CADM1: variants seen among roughly 807,000 people sequenced by gnomAD.
CADM1 encodes cell adhesion molecule 1, also known as TSLC-1.
Under a neutral mutation model 53.1 loss-of-function variants are expected in CADM1, and 15 were observed. That is an observed-to-expected ratio of 0.28 (90% confidence interval 0.19 to 0.44). CADM1 has a LOEUF of 0.44. CADM1 is among the 20% of genes least tolerant of loss of function. The pLI, the probability that CADM1 is intolerant of heterozygous loss-of-function variation, is 1.00. For missense variants in CADM1, 434 were observed against 611.3 expected (o/e 0.71, Z 3.06); for synonymous variants, 281 against 243.0 (o/e 1.16, Z -1.45).
At chr11:115,334,335 A>G (rs745483811) in intron 1 of CADM1, among the ~76,000 whole-genome samples, 1 of 152,072 alleles carries the variant, frequency 6.6e-6, no homozygotes, top group Non-Finnish European at 1.5e-5. Context: ...TCTGGTATCA[A>G]CCAATGACTA....
At position 115,190,897 on chromosome 11, in the gene CADM1, C is replaced by T; in HGVS notation, c.1156G>A (p.Asp386Asn). Reference protein sequence around the residue: ...PNSAEELDSEDLSDSRAGEEG... With the variant: ...PNSAEELDSENLSDSRAGEEG... ...AATGACTAGCCCTTACCTGAGAGGT[C>T]CTCACTGTCCAGTTCTTCTGCGGAA... Residue 386 changes from aspartate (D) to asparagine (N), a missense_variant, in exon 10 of 12, where the codon GAC becomes AAC. Coordinates refer to ENST00000331581, the MANE Select transcript of CADM1 (RefSeq NM_001301043.2). 15 of 1,595,066 alleles carry T rather than the reference C, an allele frequency of 9.4e-6. No individual in the cohort carries two copies. Among genetic ancestry groups the T allele is most frequent in the Non-Finnish European group, 1.1e-5 (13 of 1,178,452 alleles).
At chr11:115,272,575 T>C (rs1591659990) in intron 1 of CADM1, among the ~76,000 whole-genome samples, 1 of 152,224 alleles carries the variant, frequency 6.6e-6, no homozygotes, top group East Asian at 1.9e-4. Flanking sequence ...GATCTAACAT[T>C]AGCAATTTGA....
intron 1 of CADM1, among the ~76,000 whole-genome samples, chr11:115,481,993 A>T (rs1949267399): frequency 6.6e-6 from 1 of 152,120 alleles, no homozygotes; most frequent in Non-Finnish European, 1.5e-5. Flanking sequence ...GTCCTGTATG[A>T]TTTGACAATT....
chr11:115,303,009 C>A (rs1304635690), intron 1 of CADM1, among the ~76,000 whole-genome samples: 1 of 152,088 alleles, frequency 6.6e-6, no homozygotes, highest in Non-Finnish European at 1.5e-5. Flanking sequence ...AACAAACCAA[C>A]TGAGAAAAGT....
Position 115,174,623 on chromosome 11 carries a change from CAA to C in CADM1, c.*1849_*1850del, listed in dbSNP as rs1221327275. The C allele has an allele frequency of 1.0e-6, 1 of 984,192 alleles. No homozygotes were observed. The highest frequency in any genetic ancestry group is 1.7e-5 in the African/African-American group (1 of 57,250). The allele number at this position is 984,192 out of a possible 1,614,324, so 61.0% of individuals were successfully genotyped here. A position where few individuals can be genotyped will look rare whatever the true frequency, so the allele number is the denominator to read the frequency against. ...GAAAAATAAACATGTTTTCAAATAA[CAA>C]AGAGTTGACACTTTTTCCCCCTTAA... On this transcript the variant is annotated 3_prime_UTR_variant, in exon 12 of 12. Coordinates refer to ENST00000331581, the MANE Select transcript of CADM1 (RefSeq NM_001301043.2).
In CADM1 at chr11:115,214,638, C is replaced by T; in HGVS notation, c.964G>A (p.Ala322Thr). The T allele has an allele frequency of 6.2e-7, 1 of 1,614,042 alleles. No homozygotes were observed. Among genetic ancestry groups the T allele is most frequent in the South Asian group, 1.1e-5 (1 of 91,076 alleles). The change falls in exon 7 of 12, where the codon GCT becomes ACT. Residue 322 changes from alanine (A) to threonine (T), a missense_variant. By Grantham distance (58) the Ala-to-Thr change is moderately conservative. Coordinates refer to ENST00000331581, the MANE Select transcript of CADM1 (RefSeq NM_001301043.2). ...ACATACAGCATATAATCCGAGTGAGCTTTCCCCACTATGTTTGAAGCTTCA... is the reference window on the plus strand; with the variant it reads ...ACATACAGCATATAATCCGAGTGAGTTTTCCCCACTATGTTTGAAGCTTCA... ...RCEASNIVGK[A>T]HSDYMLYVYD... is the part of the protein sequence containing the mutation.
At chr11:115,436,832 A>G (rs937655264) in intron 1 of CADM1, among the ~76,000 whole-genome samples, 1 of 152,216 alleles carries the variant, frequency 6.6e-6, no homozygotes, top group African/African-American at 2.4e-5. Flanking sequence ...GCAATAGTGT[A>G]TTTAATTTTT....
Position 115,170,597 on chromosome 11 carries a change from T to A in CADM1, c.*5877A>T, listed in dbSNP as rs1321797892. 1 of 24,668 alleles carries A rather than the reference T, an allele frequency of 4.1e-5. No homozygotes were observed. Among genetic ancestry groups the A allele is most frequent in the Admixed American group, 5.0e-4 (1 of 1,984 alleles). The allele number at this position is 24,668 out of a possible 1,614,324, so 1.5% of individuals were successfully genotyped here. A position where few individuals can be genotyped will look rare whatever the true frequency, so the allele number is the denominator to read the frequency against. On this transcript the variant is annotated 3_prime_UTR_variant, in exon 12 of 12. Coordinates refer to ENST00000331581, the MANE Select transcript of CADM1 (RefSeq NM_001301043.2). ...CATGTGTAATGATGTGAGTGTTGGGTGGGGGGTGGTGGGGGGGGACTGAAT... is the reference window on the plus strand; with the variant it reads ...CATGTGTAATGATGTGAGTGTTGGGAGGGGGGTGGTGGGGGGGGACTGAAT...
At chr11:115,381,736 T>C (rs1378687743) in intron 1 of CADM1, among the ~76,000 whole-genome samples, 1 of 152,148 alleles carries the variant, frequency 6.6e-6, no homozygotes, top group Non-Finnish European at 1.5e-5. Context: ...ATTAAACAAA[T>C]AGTGACTACA....
At chr11:115,303,235 G>A (rs1331308001) in intron 1 of CADM1, among the ~76,000 whole-genome samples, 2 of 151,976 alleles carry the variant, frequency 1.3e-5, no homozygotes, top group African/African-American at 4.8e-5. Flanking sequence ...CTTTTAAGGA[G>A]GCAAAGTATA....
At chr11:115,350,509 CTTT>C (rs34913142) in intron 1 of CADM1, among the ~76,000 whole-genome samples, 1 of 138,052 alleles carries the variant, frequency 7.2e-6, no homozygotes, top group African/African-American at 2.7e-5. Flanking sequence ...TTCTTTTTTT[CTTT>C]TTTTTTTTTT....
intron 1 of CADM1, among the ~76,000 whole-genome samples, chr11:115,359,851 TAATAAGGCATGTGCTAAATCATG>T (rs996597611): frequency 2.0e-5 from 3 of 152,172 alleles, no homozygotes; most frequent in African/African-American, 7.2e-5. Context: ...CCTACGAAAA[TAATAAGGCATGTGCTAAATCATG>T]ACATTACACA....
At chr11:115,459,076 C>A (rs1283933708) in intron 1 of CADM1, among the ~76,000 whole-genome samples, 4 of 152,150 alleles carry the variant, frequency 2.6e-5, no homozygotes. Flanking sequence ...AGGAACAATG[C>A]AATCTATTCA....
intron 9 of CADM1, among the ~76,000 whole-genome samples, chr11:115,196,196 C>T (rs1422544875): frequency 2.6e-5 from 4 of 152,118 alleles, no homozygotes; most frequent in Non-Finnish European, 5.9e-5. Context: ...AGTGTCTCTT[C>T]CTTATACCAC....
chr11:115,260,797 C>T (rs1054766043), intron 1 of CADM1, among the ~76,000 whole-genome samples: 3 of 151,968 alleles, frequency 2.0e-5, no homozygotes, highest in African/African-American at 7.3e-5. Context: ...CTCAGCCTCC[C>T]GAGTAGCTGG....
At chr11:115,499,734 T>G (rs1949692434) in intron 1 of CADM1, among the ~76,000 whole-genome samples, 1 of 152,224 alleles carries the variant, frequency 6.6e-6, no homozygotes, top group Non-Finnish European at 1.5e-5. Context: ...CTACTTTACT[T>G]CAAAATGGGA....
intron 10 of CADM1, among the ~76,000 whole-genome samples, chr11:115,186,569 C>G (rs924399173): frequency 3.9e-5 from 6 of 152,120 alleles, no homozygotes; most frequent in African/African-American, 1.2e-4. Flanking sequence ...CCAGGAAGAC[C>G]CATGCTTCGC....
At chr11:115,384,414 C>G (rs1946650135) in intron 1 of CADM1, among the ~76,000 whole-genome samples, 1 of 152,156 alleles carries the variant, frequency 6.6e-6, no homozygotes, top group African/African-American at 2.4e-5. Context: ...GAGAGTCACC[C>G]TTAAACCTAG....
At chr11:115,446,604 G>A (rs1948455755) in intron 1 of CADM1, among the ~76,000 whole-genome samples, 1 of 152,192 alleles carries the variant, frequency 6.6e-6, no homozygotes, top group Admixed American at 6.5e-5. Flanking sequence ...CCAAAGTCAA[G>A]TGATAAAGGA....
Sources: allele counts gnomAD v4.1 joint callset (sites outside exome capture counted in the v4.1 genomes callset), GRCh38; gene constraint gnomAD v4.1.1; transcripts MANE v1.5; gene names NCBI Gene and HGNC (gene_info 2026-07-23, HGNC 2026-07-21).